Variants in FGF14 observed in about 807,000 individuals in gnomAD.
FGF14 encodes fibroblast growth factor 14.
Under a neutral mutation model 25.5 loss-of-function variants are expected in FGF14, and 5 were observed. The ratio of observed to expected loss-of-function variants is 0.20; its 90% CI spans 0.10 to 0.41. The LOEUF (loss-of-function observed/expected upper bound fraction) is 0.41. Ranked by LOEUF, FGF14 falls within the 10% of genes least tolerant of loss-of-function variation. The pLI is 1.00. For synonymous variants in FGF14, 138 were observed against 118.3 expected, an observed-to-expected ratio of 1.17 and a Z score of -1.08; for missense variants, 222 against 320.1, an observed-to-expected ratio of 0.69 and a Z score of 2.34.
intron 3 of FGF14, among the ~76,000 whole-genome samples, chr13:101,812,643 ATATATATATATTTTTTTTTTTTTTTTT>A (rs1752560528): frequency 2.0e-4 from 2 of 10,092 alleles, no homozygotes; most frequent in South Asian, 0.01. Context: ...ATATATATAT[ATATATATATATTTTTTTTTTTTTTTTT>A]TTTTTTTTTT....
chr13:102,196,524 G>A (rs1212863427), intron 1 of FGF14, among the ~76,000 whole-genome samples: 1 of 152,124 alleles, frequency 6.6e-6, no homozygotes, highest in Non-Finnish European at 1.5e-5. Flanking sequence ...GAAAAAGGTA[G>A]TGGTTTATCT....
In FGF14 at chr13:102,386,155, A is replaced by G. The variant is rs558370952; in HGVS notation, c.208+15316T>C. On this transcript the variant is annotated intron_variant, in intron 1 of 4. Transcript: ENST00000376131. ...GTAATTTTTTTTTTTTTTTTTTTGA[A>G]ACGGAGTCTTGCTGTCTCCCAGGCT... Among the ~76,000 whole-genome samples, 41 of 149,076 alleles carry G rather than the reference A, an allele frequency of 2.8e-4. No homozygotes were observed. In the East Asian group the frequency reaches 5.9e-3, roughly 21 times the overall value.
intron 1 of FGF14, among the ~76,000 whole-genome samples, chr13:102,158,262 A>T (rs1312848691): frequency 6.6e-6 from 1 of 152,202 alleles, no homozygotes; most frequent in Non-Finnish European, 1.5e-5. Flanking sequence ...AAAGACTTGG[A>T]ACCAACCCAA....
At position 101,916,743 on chromosome 13, in the gene FGF14, T is replaced by C. The variant is rs972245359; in HGVS notation, c.-98A>G. On this transcript the variant is annotated 5_prime_UTR_variant, in exon 1 of 5. Transcript: ENST00000376143. ...CGGCGGCGCAGACCGTGGCTCGCCCTCGGGGCAGAGGAGGGGGTGCCAGGC... is the reference window on the plus strand; with the variant it reads ...CGGCGGCGCAGACCGTGGCTCGCCCCCGGGGCAGAGGAGGGGGTGCCAGGC... The C allele has an allele frequency of 2.7e-6, 3 of 1,111,958 alleles. No individual in the cohort carries two copies. The South Asian group carries it at 5.0e-5, about 18-fold the overall frequency. The allele number at this position is 1,111,958 out of a possible 1,614,324, so 68.9% of individuals were successfully genotyped here.
intron 1 of FGF14, among the ~76,000 whole-genome samples, chr13:102,214,153 G>C (rs566478456): frequency 6.6e-6 from 1 of 152,320 alleles, no homozygotes; most frequent in South Asian, 2.1e-4. Context: ...TGTAATACTT[G>C]AGTTGGCTGC....
intron 1 of FGF14, among the ~76,000 whole-genome samples, chr13:102,004,368 A>G (rs952032014): frequency 3.9e-5 from 6 of 152,204 alleles, no homozygotes; most frequent in African/African-American, 1.4e-4. Context: ...CCAGACTGGA[A>G]TGTACTAGGT....
intron 3 of FGF14, among the ~76,000 whole-genome samples, chr13:101,761,085 C>T (rs548426386): frequency 6.2e-4 from 95 of 152,278 alleles, no homozygotes; most frequent in Non-Finnish European, 9.8e-4. Flanking sequence ...TTCTCCAATT[C>T]CATTTACTAA....
At chr13:102,203,969 G>A (rs1332022007) in intron 1 of FGF14, among the ~76,000 whole-genome samples, 1 of 152,150 alleles carries the variant, frequency 6.6e-6, no homozygotes, top group Non-Finnish European at 1.5e-5. Context: ...TATGCTCAGT[G>A]GGAAAGACTA....
intron 1 of FGF14, among the ~76,000 whole-genome samples, chr13:102,202,390 C>T (rs1227982621): frequency 6.6e-6 from 1 of 152,064 alleles, no homozygotes; most frequent in Admixed American, 6.6e-5. Context: ...CATTCCCCCA[C>T]ACAAAAAGGA....
chr13:102,290,202 G>A (rs951636884), intron 1 of FGF14, among the ~76,000 whole-genome samples: 19 of 152,042 alleles, frequency 1.2e-4, no homozygotes, highest in African/African-American at 4.3e-4. Context: ...TAGGTCATAA[G>A]ACTGAAGCCC....
At chr13:101,951,361 T>C (rs1212847572) in intron 1 of FGF14, among the ~76,000 whole-genome samples, 2 of 152,120 alleles carry the variant, frequency 1.3e-5, no homozygotes, top group Admixed American at 6.5e-5. Context: ...GCATAGAGCA[T>C]GGCAGTGGAA....
At chr13:101,783,651 T>C (rs1387732666) in intron 3 of FGF14, among the ~76,000 whole-genome samples, 3 of 152,204 alleles carry the variant, frequency 2.0e-5, no homozygotes, top group African/African-American at 4.8e-5. Flanking sequence ...ATAGTTTCTT[T>C]TGCTGTGCAG....
chr13:101,808,733 C>G (rs2041337651), intron 3 of FGF14, among the ~76,000 whole-genome samples: 1 of 151,864 alleles, frequency 6.6e-6, no homozygotes, highest in Non-Finnish European at 1.5e-5. Context: ...TAACCTATTA[C>G]TTCAGACATT....
chr13:102,060,892 G>A (rs2042657109), intron 1 of FGF14, among the ~76,000 whole-genome samples: 1 of 152,050 alleles, frequency 6.6e-6, no homozygotes, highest in South Asian at 2.1e-4. Flanking sequence ...GACCCTATTG[G>A]GCACGCACAC....
At chr13:101,848,521 G>T (rs962737671) in intron 3 of FGF14, among the ~76,000 whole-genome samples, 1 of 152,028 alleles carries the variant, frequency 6.6e-6, no homozygotes, top group Non-Finnish European at 1.5e-5. Context: ...TTCCTTCAGC[G>T]AGAATGAGGT....
intron 3 of FGF14, among the ~76,000 whole-genome samples, chr13:101,812,039 G>T (rs546531266): frequency 1.3e-5 from 2 of 152,196 alleles, no homozygotes; most frequent in South Asian, 4.1e-4. Flanking sequence ...TGTCATATCT[G>T]ATTTCAAAAG....
chr13:102,062,046 G>T (rs1566635619), intron 1 of FGF14, among the ~76,000 whole-genome samples: 1 of 152,056 alleles, frequency 6.6e-6, no homozygotes, highest in Non-Finnish European at 1.5e-5. Flanking sequence ...CACTCCACAA[G>T]GTTTATGGTA....
intron 3 of FGF14, among the ~76,000 whole-genome samples, chr13:101,834,011 T>C (rs980732534): frequency 6.6e-6 from 1 of 152,082 alleles, no homozygotes; most frequent in Non-Finnish European, 1.5e-5. Flanking sequence ...GAGAACACCA[T>C]AGCTGCTTCA....
intron 1 of FGF14, among the ~76,000 whole-genome samples, chr13:102,271,608 T>A (rs2053250314): frequency 1.3e-5 from 2 of 152,222 alleles, no homozygotes; most frequent in African/African-American, 4.8e-5. Flanking sequence ...GGAGTTAATA[T>A]CACGTTGTGT....
Sources: allele counts gnomAD v4.1 joint callset (sites outside exome capture counted in the v4.1 genomes callset), GRCh38; gene constraint gnomAD v4.1.1; transcripts MANE v1.5; gene names NCBI Gene and HGNC (gene_info 2026-07-23, HGNC 2026-07-21).